The following PFAS variants were observed in gnomAD, a reference collection of about 807,000 sequenced individuals.
PFAS encodes FGAM synthase.
PFAS carries 97 observed loss-of-function variants against 140.6 expected under a neutral mutation model. The observed-to-expected ratio is 0.69, with a 90% CI of 0.59 to 0.82. PFAS has a LOEUF of 0.82. Among genes scored for constraint, PFAS ranks in the 40% least tolerant of loss-of-function variants. The probability of loss-of-function intolerance (pLI) is 0.00; values close to 1 mark genes in which losing one functional copy is unlikely to be tolerated. For missense variants in PFAS, 1,656 were observed against 1,780.2 expected, an observed-to-expected ratio of 0.93 and a Z score of 1.26; for synonymous variants, 679 against 718.8, an observed-to-expected ratio of 0.94 and a Z score of 0.88.
At chr17:8,256,484 C>T in intron 7 of PFAS, 40 bp from the exon 8 acceptor site, 1 of 1,613,770 alleles carries the variant, frequency 6.2e-7, no homozygotes, top group Non-Finnish European at 8.5e-7. Flanking sequence ...TAGTGTAGGT[C>T]CCAGAAAGGA....
chr17:8,255,581 C>G lies in PFAS; in HGVS notation c.464C>G (p.Pro155Arg). ...GACCGGATGACAGAGCAGCACTTCC[C>G]CCATCCCATCCAGAGTTTCTCCCCT... Reference protein sequence around the residue: ...LHDRMTEQHFPHPIQSFSPES... With the variant: ...LHDRMTEQHFRHPIQSFSPES... The change falls in exon 5 of 28, where the codon CCC becomes CGC. Residue 155 changes from proline (P) to arginine (R), a missense_variant. By Grantham distance (103) the Pro-to-Arg change is moderately radical. This residue lies in a region of PFAS where 773 missense variants were observed against 757.3 expected (regional missense o/e 1.02). Coordinates refer to ENST00000314666, the MANE Select transcript of PFAS (RefSeq NM_012393.3). The G allele has an allele frequency of 6.4e-7, 1 of 1,560,254 alleles. No individual in the cohort carries two copies. The highest frequency in any genetic ancestry group is 2.0e-5 in the Admixed American group (1 of 49,552).
At position 8,262,933 on chromosome 17, in the gene PFAS, A is replaced by G; in HGVS notation, c.1350A>G (p.Val450=). Residue 450 remains valine (V), a synonymous_variant, in exon 12 of 28, where the codon GTA becomes GTG. Coordinates refer to ENST00000314666, the MANE Select transcript of PFAS (RefSeq NM_012393.3). ...CCCTTCTTACAGGCATGGAAGTTGT[A>G]AAGGTTGGAGGTCCCGTCTACAGGA... The part of the protein sequence containing the change: ...KEAPEPGMEV[V]KVGGPVYRIG... 6.2e-7 allele frequency: 1 copy of G among 1,613,884 alleles called. No homozygotes were observed. The highest frequency in any genetic ancestry group is 2.2e-5 in the East Asian group (1 of 44,882).
intron 1 of PFAS, among the ~76,000 whole-genome samples, chr17:8,252,494 C>T (rs1989196107): frequency 6.6e-6 from 1 of 150,760 alleles, no homozygotes; most frequent in African/African-American, 2.4e-5. Flanking sequence ...ACTTCCGCCT[C>T]CCGGGTTCGA....
chr17:8,251,067 C>T (rs1989130745), intron 1 of PFAS, among the ~76,000 whole-genome samples: 1 of 151,758 alleles, frequency 6.6e-6, no homozygotes, highest in Non-Finnish European at 1.5e-5. Context: ...GTGGGTGGAT[C>T]ACGAGTTCAA....
At chr17:8,249,619 C>G (rs1426909733) in intron 1 of PFAS, 1 of 152,212 alleles carries the variant, frequency 6.6e-6, no homozygotes, top group African/African-American at 2.4e-5. Context: ...ATATCAGGCA[C>G]CATGCTGGTC....
intron 1 of PFAS, among the ~76,000 whole-genome samples, chr17:8,251,533 G>A (rs1298219520): frequency 6.6e-6 from 1 of 152,056 alleles, no homozygotes; most frequent in Admixed American, 6.5e-5. Flanking sequence ...GCAGTCCACT[G>A]CTTTGGCCTC....
chr17:8,265,263 A>G, intron 18 of PFAS, 25 bp from the exon 19 acceptor site: 3 of 1,606,592 alleles, frequency 1.9e-6, no homozygotes, highest in Non-Finnish European at 2.6e-6. Context: ...CTTCCCCTCT[A>G]ATGCTGTGCC....
At chr17:8,248,039 T>C, upstream of PFAS, 1 of 1,353,698 alleles carries the variant, frequency 7.4e-7, no homozygotes, top group East Asian at 4.7e-5. Flanking sequence ...GCCGCCATGA[T>C]GCGCCGGAGC....
upstream of PFAS, among the ~76,000 whole-genome samples, chr17:8,248,559 C>T (rs1299934068): frequency 3.3e-5 from 5 of 150,976 alleles, no homozygotes; most frequent in Admixed American, 1.3e-4. Flanking sequence ...CAGCCCCTGG[C>T]CCTCTCTGAT....
intron 11 of PFAS, chr17:8,262,624 T>G (rs1050230295): frequency 9.4e-6 from 3 of 317,778 alleles, no homozygotes; most frequent in Admixed American, 4.4e-5. Context: ...TGAAACCCTG[T>G]CTCTACTGAA....
rs760294600 is a variant in PFAS at position 8,263,886 on chromosome 17, C to T, written c.1741C>T (p.Arg581Cys). ...GGACTTCCTGACTCATGTCAGTGCC[C>T]GTGAACGTTGCCCGGCTTGCTTCGT... ...NRDFLTHVSA[R>C]ERCPACFVGT... Residue 581 changes from arginine to cysteine, a missense_variant, in exon 15 of 28, where the codon CGT becomes TGT. Transcript: ENST00000314666. 3.1e-6 allele frequency: 5 copies of T among 1,614,024 alleles called. No homozygotes were observed. The South Asian group carries it at 4.4e-5, about 14-fold the overall frequency.
At chr17:8,249,854 A>G (rs1258466430) in intron 1 of PFAS, among the ~76,000 whole-genome samples, 2 of 152,152 alleles carry the variant, frequency 1.3e-5, no homozygotes, top group Non-Finnish European at 2.9e-5. Context: ...GTATTGTTCT[A>G]AGCCTTGGTA....
chr17:8,247,909 C>T, upstream of PFAS: 2 of 1,345,914 alleles, frequency 1.5e-6, no homozygotes, highest in South Asian at 1.2e-5. Context: ...ACGCGGCCAG[C>T]GAGCCCAGAG....
intron 1 of PFAS, among the ~76,000 whole-genome samples, chr17:8,253,376 G>A (rs552045124): frequency 6.6e-6 from 1 of 152,186 alleles, no homozygotes; most frequent in Admixed American, 6.5e-5. Flanking sequence ...CATTAATAAA[G>A]ACCACATTTT....
At position 8,264,322 on chromosome 17, in the gene PFAS, C is replaced by G. The variant is rs147384771; in HGVS notation, c.1902C>G (p.Gly634=). 21 of 1,613,882 alleles carry G rather than the reference C, an allele frequency of 1.3e-5. No individual in the cohort carries two copies. The African/African-American group carries it at 2.3e-4, about 17-fold the overall frequency. The change falls in exon 16 of 28, where the codon GGC becomes GGG. Residue 634 remains glycine (G), a synonymous_variant. Coordinates refer to ENST00000314666, the MANE Select transcript of PFAS (RefSeq NM_012393.3). ...PVDLELEWVL[G]KMPRKEFFLQ... ...ACCTGGAGCTCGAATGGGTGCTGGG[C>G]AAGATGCCTCGGAAGGTATGTGGGG...
chr17:8,248,245 A>T, upstream of PFAS: 2 of 470,038 alleles, frequency 4.3e-6, no homozygotes, highest in Non-Finnish European at 7.7e-6. Flanking sequence ...CTTTTCTCTG[A>T]TTTTTTTTTT....
Position 8,255,907 on chromosome 17 carries a change from A to T in PFAS, c.677A>T (p.Asn226Ile), listed in dbSNP as rs1352077279. The change falls in exon 6 of 28, where the codon AAT (asparagine) becomes ATT (isoleucine). Residue 226 changes from asparagine to isoleucine, a missense_variant. Around this residue, in one of 2 missense-constraint regions of PFAS, gnomAD observed 773 missense variants for 757.3 expected, o/e 1.02. Coordinates refer to ENST00000314666, the MANE Select transcript of PFAS (RefSeq NM_012393.3). Reference sequence around the variant, plus strand: ...GAGGCCTTTGACTTGGCGCAGTCCAATAGGTGAGGAGAAATGGGGTTGTTC... The same window carrying T: ...GAGGCCTTTGACTTGGCGCAGTCCATTAGGTGAGGAGAAATGGGGTTGTTC... ...TVEAFDLAQS[N>I]SEHSRHWFFK... The T allele has an allele frequency of 6.2e-7, 1 of 1,609,672 alleles. No individual in the cohort carries two copies. The highest frequency in any genetic ancestry group is 8.5e-7 in the Non-Finnish European group (1 of 1,176,074).
chr17:8,259,491 A>G (rs962615693), intron 11 of PFAS, among the ~76,000 whole-genome samples: 7 of 150,668 alleles, frequency 4.6e-5, no homozygotes, highest in African/African-American at 1.5e-4. Flanking sequence ...AACAGTAAAA[A>G]GTATAGTTGG....
In PFAS at chr17:8,264,947, T is replaced by C. The variant is rs1388662246; in HGVS notation, c.2102T>C (p.Leu701Pro). The change falls in exon 18 of 28, where the codon CTG (leucine) becomes CCG (proline). Residue 701 changes from leucine (L) to proline (P), a missense_variant. Transcript: ENST00000314666. The part of the protein sequence containing the change: ...LVAQQQCVGP[L>P]QTPLADVAVV... ...GCCCAGCAGCAGTGCGTGGGGCCCCTGCAAACTCCTCTGGCAGATGTAGCG... is the reference window on the plus strand; with the variant it reads ...GCCCAGCAGCAGTGCGTGGGGCCCCCGCAAACTCCTCTGGCAGATGTAGCG... 5 of 1,609,618 alleles carry C rather than the reference T, an allele frequency of 3.1e-6. No individual in the cohort carries two copies. The highest frequency in any genetic ancestry group is 4.2e-6 in the Non-Finnish European group (5 of 1,177,478).
Sources: allele counts gnomAD v4.1 joint callset (sites outside exome capture counted in the v4.1 genomes callset), GRCh38; gene constraint gnomAD v4.1.1; regional missense constraint gnomAD v4.1.1; transcripts MANE v1.5; gene names NCBI Gene and HGNC (gene_info 2026-07-23, HGNC 2026-07-21).